Variants in FANCE observed in about 807,000 individuals in gnomAD.
FANCE encodes the protein FA complementation group E, also known as Fanconi anemia group E protein.
A neutral mutation model predicts 57.8 loss-of-function variants in FANCE; 42 were observed. The ratio of observed to expected loss-of-function variants is 0.73; its 90% CI spans 0.57 to 0.94. FANCE has a LOEUF of 0.94. Ranked by LOEUF, FANCE falls within the 40% of genes least tolerant of loss-of-function variation. The pLI is 0.00. For missense variants in FANCE, 608 were observed against 661.8 expected (o/e 0.92, Z 0.89); for synonymous variants, 251 against 286.4 (o/e 0.88, Z 1.25).
At chr6:35,453,767 G>C (rs1033713010) in intron 1 of FANCE, among the ~76,000 whole-genome samples, 1 of 152,184 alleles carries the variant, frequency 6.6e-6, no homozygotes, top group African/African-American at 2.4e-5. Context: ...GAACTTGTCT[G>C]AATCCCCAAA....
rs1201037003 is a variant in FANCE, at chr6:35,462,856, C to G, written c.1451C>G (p.Thr484Ser). 7 of 1,614,226 alleles carry G rather than the reference C, an allele frequency of 4.3e-6. No homozygotes were observed. The East Asian group carries it at 1.6e-4, about 36-fold the overall frequency. The change falls in exon 9 of 10, where the codon ACC becomes AGC. Residue 484 changes from threonine (T) to serine (S), a missense_variant. Transcript: ENST00000229769. The part of the protein sequence containing the change: ...EKLCKKGLAA[T>S]TSMAYAKLML... ...CTCTGTAAAAAGGGGCTGGCAGCCA[C>G]CACCTCCATGGCCTATGCCAAGCTC... is the stretch of plus-strand genomic sequence containing the variant.
chr6:35,460,468 C>G, intron 7 of FANCE, 84 bp from the exon 8 acceptor site: 2 of 1,391,524 alleles, frequency 1.4e-6, no homozygotes, highest in Non-Finnish European at 2.0e-6. Context: ...GGGCCTTGCC[C>G]TGCTGTGGGA....
In FANCE at chr6:35,456,403, C is replaced by T. The variant is rs753130563; in HGVS notation, c.855+50C>T. ...TAGAGTGATCTTTCAGCAGTGGTGGCTTTATCCATGGGGAAGGCTGCTTGG... is the reference window on the plus strand; with the variant it reads ...TAGAGTGATCTTTCAGCAGTGGTGGTTTTATCCATGGGGAAGGCTGCTTGG... On this transcript the variant is annotated intron_variant, in intron 2 of 9. Coordinates refer to ENST00000229769, the MANE Select transcript of FANCE (RefSeq NM_021922.3). The surrounding 1 kb of genome is among the most constrained non-coding windows in gnomAD (Gnocchi z 4.3). 5.6e-6 allele frequency: 9 copies of T among 1,613,234 alleles called. No homozygotes were observed. Among genetic ancestry groups the T allele is most frequent in the Non-Finnish European group, 7.6e-6 (9 of 1,179,376 alleles).
chr6:35,453,994 C>A (rs185089044), intron 1 of FANCE, among the ~76,000 whole-genome samples: 44 of 152,294 alleles, frequency 2.9e-4, no homozygotes, highest in African/African-American at 1.0e-3. Flanking sequence ...GTAGGGTCTT[C>A]CCTATCTCTC....
chr6:35,452,702 C>T lies in FANCE; in HGVS notation c.157C>T (p.Arg53Cys), dbSNP rs1767156722. The T allele has an allele frequency of 8.1e-7, 1 of 1,241,056 alleles. No individual in the cohort carries two copies. Among genetic ancestry groups the T allele is most frequent in the South Asian group, 3.6e-5 (1 of 27,766 alleles). 76.9% of individuals were successfully genotyped at this position (1,241,056 alleles called of 1,614,324 possible). A position where few individuals can be genotyped will look rare whatever the true frequency, so the allele number is the denominator to read the frequency against. Residue 53 changes from arginine (R) to cysteine (C), a missense_variant, in exon 1 of 10, where the codon CGC becomes TGC. Arg to Cys is a radical substitution (Grantham distance 180). Coordinates refer to ENST00000229769, the MANE Select transcript of FANCE (RefSeq NM_021922.3). ...GLGVLRALGS[R>C]GWEPFDWGRL... ...GGGGGTGCTCCGGGCGCTGGGCAGC[C>T]GCGGCTGGGAGCCCTTCGACTGGGG...
intron 1 of FANCE, 85 bp from the exon 2 acceptor site, chr6:35,455,662 G>A (rs557454507): frequency 1.2e-5 from 18 of 1,544,542 alleles, no homozygotes; most frequent in Admixed American, 6.7e-5. Context: ...TCTGTCCACC[G>A]CCATCTAGCC....
rs746321808 is a variant in FANCE at position 35,462,906 on chromosome 6, C to G, written c.1501C>G (p.Gln501Glu). The G allele has an allele frequency of 1.5e-5, 25 of 1,614,098 alleles. No individual in the cohort carries two copies. The highest frequency in any genetic ancestry group is 2.0e-5 in the Non-Finnish European group (24 of 1,180,022). The change falls in exon 9 of 10, where the codon CAG (glutamine) becomes GAG (glutamate). Residue 501 changes from glutamine to glutamate, a missense_variant. Coordinates refer to ENST00000229769, the MANE Select transcript of FANCE (RefSeq NM_021922.3). ...CATGCTGACAGTGATGACCAAGTAT[C>G]AGGCTAACGTGAGTATTGATAGGGC... Reference protein sequence around the residue: ...KLMLTVMTKYQANITETQRLG... With the variant: ...KLMLTVMTKYEANITETQRLG...
intron 9 of FANCE, among the ~76,000 whole-genome samples, chr6:35,463,285 T>G (rs1767663515): frequency 6.6e-6 from 1 of 151,940 alleles, no homozygotes; most frequent in Non-Finnish European, 1.5e-5. Context: ...GGCAGCATAG[T>G]GAGACTCCAT....
At chr6:35,454,150 A>G (rs1452826618) in intron 1 of FANCE, among the ~76,000 whole-genome samples, 1 of 151,244 alleles carries the variant, frequency 6.6e-6, no homozygotes, top group Non-Finnish European at 1.5e-5. Context: ...TGCAACCTCC[A>G]CCTCCAGAAG....
At position 35,452,645 on chromosome 6, in the gene FANCE, C is replaced by T. The variant is rs1324357775; in HGVS notation, c.100C>T (p.Gln34Ter). 4.0e-6 allele frequency: 5 copies of T among 1,251,794 alleles called. No individual in the cohort carries two copies. Among genetic ancestry groups the T allele is most frequent in the Non-Finnish European group, 5.0e-6 (5 of 1,001,966 alleles). The allele number at this position is 1,251,794 out of a possible 1,614,324, so 77.5% of individuals were successfully genotyped here. Reference sequence around the variant, plus strand: ...CGCCCGCCTCCTGCTGCAGGCGCTGCAGGCGGGGCCTGAGGGGGCGCGGCG... The same window carrying T: ...CGCCCGCCTCCTGCTGCAGGCGCTGTAGGCGGGGCCTGAGGGGGCGCGGCG... ...APARLLLQAL[Q>*]AGPEGARRGL... Residue 34 changes from glutamine (Q) to a stop codon, truncating the protein, a stop_gained, in exon 1 of 10, where the codon CAG becomes TAG. Transcript: ENST00000229769. LOFTEE classifies it high-confidence loss of function.
At position 35,457,610 on chromosome 6, in the gene FANCE, C is replaced by T; in HGVS notation, c.900+10C>T. On this transcript the variant is annotated intron_variant, in intron 3 of 9. Coordinates refer to ENST00000229769, the MANE Select transcript of FANCE (RefSeq NM_021922.3). ...GAAGACCTTGGAGGAGGTGACTGGC[C>T]CCACAGTGCTCACCATAGCCTTTCT... is the stretch of plus-strand genomic sequence containing the variant. 1 of 1,613,566 alleles carries T rather than the reference C, an allele frequency of 6.2e-7. No individual in the cohort carries two copies. Among genetic ancestry groups the T allele is most frequent in the Non-Finnish European group, 8.5e-7 (1 of 1,179,876 alleles).
Position 35,456,063 on chromosome 6 carries a change from G to A in FANCE, c.565G>A (p.Glu189Lys). The A allele has an allele frequency of 6.2e-7, 1 of 1,613,694 alleles. No individual in the cohort carries two copies. The change falls in exon 2 of 10, where the codon GAG becomes AAG. Residue 189 changes from glutamate to lysine, a missense_variant. By Grantham distance (56) the Glu-to-Lys change is moderately conservative. Coordinates refer to ENST00000229769, the MANE Select transcript of FANCE (RefSeq NM_021922.3). This position sits in a 1 kb window ranked among gnomAD's most constrained non-coding sequence, Gnocchi z 4.3. ...KSPQAPDPEE[E>K]ENRDSQQPGK... is the part of the protein sequence containing the mutation. ...CCCCCAGGCTCCAGACCCTGAAGAA[G>A]AGGAGAACAGGGACTCCCAGCAGCC...
chr6:35,457,427 CTTTCTTGAA>C, intron 2 of FANCE, 120 bp from the exon 3 acceptor site: 1 of 1,030,962 alleles, frequency 9.7e-7, no homozygotes, highest in Non-Finnish European at 1.5e-6. Flanking sequence ...GGCCTCTTGA[CTTTCTTGAA>C]TCATCTTTGC....
chr6:35,457,995 A>T lies in FANCE; in HGVS notation c.969+11A>T, dbSNP rs1396724409. 6.2e-7 allele frequency: 1 copy of T among 1,610,360 alleles called. No homozygotes were observed. Among genetic ancestry groups the T allele is most frequent in the Admixed American group, 1.7e-5 (1 of 60,022 alleles). On this transcript the variant is annotated intron_variant, in intron 4 of 9. Transcript: ENST00000229769. ...TGTAGTCCCAGCCAGGTGAGTCCAGATGACTGCCTGGCTCTGAGGTTACAT... is the reference window on the plus strand; with the variant it reads ...TGTAGTCCCAGCCAGGTGAGTCCAGTTGACTGCCTGGCTCTGAGGTTACAT...
chr6:35,456,126 A>G lies in FANCE; in HGVS notation c.628A>G (p.Ser210Gly), dbSNP rs750990416. 19 of 1,613,948 alleles carry G rather than the reference A, an allele frequency of 1.2e-5. No individual in the cohort carries two copies. Among genetic ancestry groups the G allele is most frequent in the Admixed American group, 1.7e-5 (1 of 60,006 alleles). ...AAAGGACTCAGAGGAAGAGGCTGCC[A>G]GTCCTGAGGGGAAGAGGGTCCCCAA... is the stretch of plus-strand genomic sequence containing the variant. ...RRKDSEEEAA[S>G]PEGKRVPKRL... Residue 210 changes from serine (S) to glycine (G), a missense_variant, in exon 2 of 10, where the codon AGT becomes GGT. Transcript: ENST00000229769. This position sits in a 1 kb window ranked among gnomAD's most constrained non-coding sequence, Gnocchi z 4.3.
Position 35,462,928 on chromosome 6 carries a change from G to C in FANCE, c.1509+14G>C. The C allele has an allele frequency of 1.9e-6, 3 of 1,614,046 alleles. No homozygotes were observed. Among genetic ancestry groups the C allele is most frequent in the Non-Finnish European group, 2.5e-6 (3 of 1,179,950 alleles). ...TATCAGGCTAACGTGAGTATTGATA[G>C]GGCCTTGGGGCTGGTCCTGCTGGCA... is the stretch of plus-strand genomic sequence containing the variant. On this transcript the variant is annotated intron_variant, in intron 9 of 9. Coordinates refer to ENST00000229769, the MANE Select transcript of FANCE (RefSeq NM_021922.3).
At position 35,466,727 on chromosome 6, in the gene FANCE, G is replaced by C; in HGVS notation, c.*382G>C. Reference sequence around the variant, plus strand: ...CTACATGCACATGACACTATGCCCAGCTAATTTTTTATTTTGTAGATAATA... The same window carrying C: ...CTACATGCACATGACACTATGCCCACCTAATTTTTTATTTTGTAGATAATA... On this transcript the variant is annotated 3_prime_UTR_variant, in exon 10 of 10. Coordinates refer to ENST00000229769, the MANE Select transcript of FANCE (RefSeq NM_021922.3). 2.7e-6 allele frequency: 1 copy of C among 365,552 alleles called. No individual in the cohort carries two copies. The highest frequency in any genetic ancestry group is 5.1e-6 in the Non-Finnish European group (1 of 195,392). The allele number at this position is 365,552 out of a possible 1,614,324, so 22.6% of individuals were successfully genotyped here. A position where few individuals can be genotyped will look rare whatever the true frequency, so the allele number is the denominator to read the frequency against.
intron 6 of FANCE, 79 bp downstream of exon 6, chr6:35,459,533 C>A (rs1767502731): frequency 6.2e-7 from 1 of 1,608,074 alleles, no homozygotes; most frequent in Non-Finnish European, 8.5e-7. Context: ...GTGGCCCTGG[C>A]AGGAGTTGGG....
intron 8 of FANCE, among the ~76,000 whole-genome samples, chr6:35,462,256 C>T (rs966010085): frequency 2.6e-5 from 4 of 152,028 alleles, no homozygotes; most frequent in African/African-American, 9.7e-5. Flanking sequence ...TACAGGCACG[C>T]ACCACCACGC....
Sources: allele counts gnomAD v4.1 joint callset (sites outside exome capture counted in the v4.1 genomes callset), GRCh38; gene constraint gnomAD v4.1.1; non-coding constraint Gnocchi (gnomAD v3.1); transcripts MANE v1.5; gene names NCBI Gene and HGNC (gene_info 2026-07-23, HGNC 2026-07-21).